Variants in TVP23C observed in about 807,000 individuals in gnomAD.
The protein encoded by TVP23C is trans-golgi network vesicle protein 23 homolog C.
In TVP23C, 19 loss-of-function variants were observed where a neutral mutation model predicts 28.7. That is an observed-to-expected ratio of 0.66 (90% CI 0.46 to 0.97). The LOEUF is 0.97. Among genes scored for constraint, TVP23C ranks in the 50% least tolerant of loss-of-function variants. TVP23C has a pLI of 0.00. For synonymous variants in TVP23C, 68 were observed against 81.7 expected (o/e 0.83, Z 0.90); for missense variants, 186 against 241.3 (o/e 0.77, Z 1.52).
At chr17:15,515,974 A>C (rs956962803) in intron 5 of TVP23C, among the ~76,000 whole-genome samples, 5 of 152,122 alleles carry the variant, frequency 3.3e-5, no homozygotes, top group African/African-American at 1.2e-4. Flanking sequence ...TTATTTTAAA[A>C]GTGTGTGGCC....
chr17:15,552,691 A>C (rs1253238330), intron 3 of TVP23C, among the ~76,000 whole-genome samples: 1 of 152,166 alleles, frequency 6.6e-6, no homozygotes. Context: ...TCTCAAAAAA[A>C]AAAGAATTAA....
In TVP23C at chr17:15,537,685, T is replaced by TTTCTCCTGAAAACAA. The variant is rs1983212643; in HGVS notation, c.*2726_*2727insTTGTTTTCAGGAGAA. The TTTCTCCTGAAAACAA allele has an allele frequency of 4.1e-6, 4 of 984,930 alleles. No individual in the cohort carries two copies. The African/African-American group carries it at 7.0e-5, about 17-fold the overall frequency. 61.0% of individuals were successfully genotyped at this position (984,930 alleles called of 1,614,324 possible). A position where few individuals can be genotyped will look rare whatever the true frequency, so the allele number is the denominator to read the frequency against. On this transcript the variant is annotated 3_prime_UTR_variant, in exon 6 of 6. Coordinates refer to ENST00000518321, the MANE Select transcript of TVP23C (RefSeq NM_001135036.2). Reference sequence around the variant, plus strand: ...TAAGCCAAAGTGCTCACTCTTACCATAGAAGCAAAACTTTCTCCTGAAAAC... The same window carrying TTTCTCCTGAAAACAA: ...TAAGCCAAAGTGCTCACTCTTACCATTTCTCCTGAAAACAAAGAAGCAAAACTTTCTCCTGAAAAC...
At position 15,538,725 on chromosome 17, in the gene TVP23C, G is replaced by C; in HGVS notation, c.*1687C>G. ...CATGTAAGACACTAACCCTATCCAT[G>C]TTATGCCAGGTTTAAGGTTTAATTT... is the stretch of plus-strand genomic sequence containing the variant. On this transcript the variant is annotated 3_prime_UTR_variant, in exon 6 of 6. Coordinates refer to ENST00000518321, the MANE Select transcript of TVP23C (RefSeq NM_001135036.2). The C allele has an allele frequency of 1.0e-6, 1 of 985,380 alleles. No homozygotes were observed. The highest frequency in any genetic ancestry group is 1.1e-4 in the East Asian group (1 of 8,816). The allele number at this position is 985,380 out of a possible 1,614,324, so 61.0% of individuals were successfully genotyped here.
At chr17:15,515,821 C>A (rs2048011308) in intron 5 of TVP23C, among the ~76,000 whole-genome samples, 1 of 152,124 alleles carries the variant, frequency 6.6e-6, no homozygotes, top group South Asian at 2.1e-4. Flanking sequence ...ATCTGTGTCC[C>A]TGCCTGTCTC....
intron 5 of TVP23C, among the ~76,000 whole-genome samples, chr17:15,511,743 A>AT (rs1319724509): frequency 6.6e-6 from 1 of 152,050 alleles, no homozygotes; most frequent in South Asian, 2.1e-4. Flanking sequence ...ACTGTTATAT[A>AT]TTTTTTCCTT....
chr17:15,508,475 GC>G (rs372151478), intron 5 of TVP23C, among the ~76,000 whole-genome samples: 1 of 152,322 alleles, frequency 6.6e-6, no homozygotes, highest in East Asian at 1.9e-4. Context: ...TCCTGCAGAT[GC>G]TCACACACCC....
chr17:15,544,893 A>G (rs1983575537), intron 5 of TVP23C, among the ~76,000 whole-genome samples: 1 of 152,144 alleles, frequency 6.6e-6, no homozygotes, highest in African/African-American at 2.4e-5. Context: ...TTAGGAGGAA[A>G]AACATAATTA....
chr17:15,562,026 T>C (rs1189459904), intron 1 of TVP23C, among the ~76,000 whole-genome samples: 2 of 152,134 alleles, frequency 1.3e-5, no homozygotes, highest in East Asian at 3.9e-4. Context: ...AGGAAGTTAC[T>C]CTCTATGATC....
Position 15,538,583 on chromosome 17 carries a change from T to A in TVP23C, c.*1829A>T. 1 of 978,850 alleles carries A rather than the reference T, an allele frequency of 1.0e-6. No homozygotes were observed. The highest frequency in any genetic ancestry group is 1.2e-6 in the Non-Finnish European group (1 of 824,338). 60.6% of individuals were successfully genotyped at this position (978,850 alleles called of 1,614,324 possible). The stretch of plus-strand genomic sequence containing the variant: ...CCAGCCTGGGCAAACAGAGTGAGAC[T>A]CTGTCTCAAAAAAAATAAATAAATA... On this transcript the variant is annotated 3_prime_UTR_variant, in exon 6 of 6. Coordinates refer to ENST00000518321, the MANE Select transcript of TVP23C (RefSeq NM_001135036.2).
intron 3 of TVP23C, among the ~76,000 whole-genome samples, chr17:15,549,225 C>A (rs976706043): frequency 2.0e-5 from 3 of 152,148 alleles, no homozygotes; most frequent in African/African-American, 7.2e-5. Flanking sequence ...GATAGAGCAG[C>A]AGGCACTGAT....
At chr17:15,543,592 A>G (rs1983515774) in intron 5 of TVP23C, among the ~76,000 whole-genome samples, 1 of 151,592 alleles carries the variant, frequency 6.6e-6, no homozygotes, top group South Asian at 2.1e-4. Flanking sequence ...TACAGAGAGA[A>G]GCCTTAGCTG....
At chr17:15,532,417 TG>T (rs201597291), downstream of TVP23C, among the ~76,000 whole-genome samples, 5 of 152,110 alleles carry the variant, frequency 3.3e-5, no homozygotes, top group Admixed American at 2.6e-4. Flanking sequence ...AAACCTATCT[TG>T]GGGGGACTCT....
downstream of TVP23C, among the ~76,000 whole-genome samples, chr17:15,535,636 A>C (rs1218612868): frequency 3.9e-5 from 6 of 152,266 alleles, no homozygotes; most frequent in South Asian, 1.2e-3. Context: ...GCATCTGAAC[A>C]GTGCAACTCG....
intron 1 of TVP23C, among the ~76,000 whole-genome samples, chr17:15,558,194 C>A (rs576983435): frequency 6.8e-6 from 1 of 147,586 alleles, no homozygotes. Context: ...CTTCTGCTCT[C>A]GATCCCAACA....
At chr17:15,513,970 T>C (rs932716462) in intron 5 of TVP23C, among the ~76,000 whole-genome samples, 16 of 152,112 alleles carry the variant, frequency 1.1e-4, no homozygotes, top group Non-Finnish European at 2.9e-5. Context: ...GGGCGGACGG[T>C]GAGGGAGGCC....
At chr17:15,562,684 T>C (rs1283850945) in intron 1 of TVP23C, 1 of 152,234 alleles carries the variant, frequency 6.6e-6, no homozygotes, top group East Asian at 1.9e-4. Context: ...CACCCTGCCT[T>C]TGCAATTATC....
chr17:15,508,368 G>A (rs1268679076), intron 5 of TVP23C, among the ~76,000 whole-genome samples: 1 of 152,200 alleles, frequency 6.6e-6, no homozygotes, highest in Non-Finnish European at 1.5e-5. Flanking sequence ...AAGCCCTCTG[G>A]AAGGAATAGA....
intron 3 of TVP23C, among the ~76,000 whole-genome samples, chr17:15,549,063 T>A (rs1983774534): frequency 6.6e-6 from 1 of 152,218 alleles, no homozygotes; most frequent in South Asian, 2.1e-4. Flanking sequence ...TTAATATTTT[T>A]AAATTATATT....
intron 1 of TVP23C, among the ~76,000 whole-genome samples, 199 bp from the exon 2 acceptor site, chr17:15,555,563 A>G (rs1984094217): frequency 6.6e-6 from 1 of 152,230 alleles, no homozygotes; most frequent in Non-Finnish European, 1.5e-5. Context: ...CCAGAGAATA[A>G]TCGAAGTCTC....
Sources: gnomAD v4.1 joint callset for allele counts (sites outside exome capture counted in the v4.1 genomes callset) on GRCh38, gnomAD v4.1.1 for gene constraint, MANE v1.5 for transcripts, NCBI Gene and HGNC (gene_info 2026-07-23, HGNC 2026-07-21) for gene names.